CHD9: variants seen among roughly 807,000 people sequenced by gnomAD.
CHD9 encodes chromodomain helicase DNA binding protein 9, also known as ATP-dependent chromatin remodeler CHD9.
A neutral mutation model predicts 316.1 loss-of-function variants in CHD9; 77 were observed. The observed-to-expected ratio is 0.24, with a 90% CI of 0.20 to 0.29. The LOEUF (loss-of-function observed/expected upper bound fraction) is 0.29, where lower values mean the gene tolerates loss of function less well. Among genes scored for constraint, CHD9 ranks in the 10% least tolerant of loss-of-function variants. The pLI is 1.00. For missense variants in CHD9, 2,763 were observed against 3,438.1 expected, an observed-to-expected ratio of 0.80 and a Z score of 4.91; for synonymous variants, 1,129 against 1,158.3, an observed-to-expected ratio of 0.97 and a Z score of 0.51.
intron 22 of CHD9, 32 bp downstream of exon 22, chr16:53,268,158 T>G: frequency 7.2e-7 from 1 of 1,396,176 alleles, no homozygotes; most frequent in South Asian, 1.3e-5. Flanking sequence ...CTTTTAAAAT[T>G]TATTTTTAGT....
At chr16:53,291,139 T>TA (rs2054299223) in intron 27 of CHD9, among the ~76,000 whole-genome samples, 1 of 152,128 alleles carries the variant, frequency 6.6e-6, no homozygotes, top group Non-Finnish European at 1.5e-5. Flanking sequence ...GAAAAAGAGA[T>TA]ACCCACAAAG....
chr16:53,216,749 T>A (rs1567497579), intron 3 of CHD9, among the ~76,000 whole-genome samples: 1 of 152,226 alleles, frequency 6.6e-6, no homozygotes, highest in Admixed American at 6.5e-5. Context: ...TCCGAGCCAG[T>A]GGTTCCCAAA....
At chr16:53,180,202 T>G (rs915410919) in intron 2 of CHD9, among the ~76,000 whole-genome samples, 2 of 151,976 alleles carry the variant, frequency 1.3e-5, no homozygotes, top group Non-Finnish European at 2.9e-5. Context: ...AGCTGGGGTT[T>G]CACCATGTTA....
chr16:53,287,084 G>A (rs2053942905), intron 26 of CHD9, among the ~76,000 whole-genome samples: 1 of 152,060 alleles, frequency 6.6e-6, no homozygotes, highest in African/African-American at 2.4e-5. Flanking sequence ...TTAGTCTCCT[G>A]AGTATCTGGG....
intron 21 of CHD9, 146 bp from the exon 22 acceptor site, chr16:53,267,781 T>A: frequency 1.5e-6 from 1 of 656,532 alleles, no homozygotes; most frequent in Non-Finnish European, 2.6e-6. Context: ...TACTATACCA[T>A]TCCTCTACAT....
At position 53,254,315 on chromosome 16, in the gene CHD9, G is replaced by T. The variant is rs182560113; in HGVS notation, c.3862-123G>T. 345 of 569,108 alleles carry T rather than the reference G, an allele frequency of 6.1e-4. 1 individual carries two copies. The highest frequency in any genetic ancestry group is 2.4e-3 in the Middle Eastern group (6 of 2,508). 35.3% of individuals were successfully genotyped at this position (569,108 alleles called of 1,614,324 possible). ...GCTCTCCCTTAATTTCTAGAAAAAGGTTATATCTAATTCAATAAAAATGGT... is the reference window on the plus strand; with the variant it reads ...GCTCTCCCTTAATTTCTAGAAAAAGTTTATATCTAATTCAATAAAAATGGT... On this transcript the variant is annotated intron_variant, in intron 17 of 38. Coordinates refer to ENST00000447540, the MANE Select transcript of CHD9 (RefSeq NM_001308319.2).
chr16:53,057,392 G>A (rs1389732123), intron 1 of CHD9, among the ~76,000 whole-genome samples: 1 of 151,378 alleles, frequency 6.6e-6, no homozygotes, highest in Non-Finnish European at 1.5e-5. Context: ...AGTGGCTCAT[G>A]CCTGTAATCC....
At chr16:53,062,691 A>G (rs2033043628) in intron 1 of CHD9, among the ~76,000 whole-genome samples, 1 of 152,174 alleles carries the variant, frequency 6.6e-6, no homozygotes, top group Non-Finnish European at 1.5e-5. Context: ...ACAGTGAGCT[A>G]TGATCATGCC....
At position 53,326,693 on chromosome 16, in the gene CHD9, T is replaced by C. The variant is rs893259275; in HGVS notation, c.*1798T>C. On this transcript the variant is annotated 3_prime_UTR_variant, in exon 39 of 39. Coordinates refer to ENST00000447540, the MANE Select transcript of CHD9 (RefSeq NM_001308319.2). Reference sequence around the variant, plus strand: ...CATCATGAAAATGATATATTACATATTTAGTATCTTCCCTTTGCAGTATTG... The same window carrying C: ...CATCATGAAAATGATATATTACATACTTAGTATCTTCCCTTTGCAGTATTG... The C allele has an allele frequency of 6.6e-6, 1 of 152,416 alleles. No individual in the cohort carries two copies. The highest frequency in any genetic ancestry group is 2.4e-5 in the African/African-American group (1 of 41,438). The allele number at this position is 152,416 out of a possible 1,614,324, so 9.4% of individuals were successfully genotyped here.
chr16:53,136,807 C>A (rs1468326331), intron 1 of CHD9, among the ~76,000 whole-genome samples: 1 of 152,012 alleles, frequency 6.6e-6, no homozygotes, highest in African/African-American at 2.4e-5. Flanking sequence ...TCCTTATATT[C>A]TTTTCTAGTT....
chr16:53,209,976 A>G (rs2046199170), intron 3 of CHD9, among the ~76,000 whole-genome samples, 163 bp downstream of exon 3: 1 of 152,204 alleles, frequency 6.6e-6, no homozygotes, highest in African/African-American at 2.4e-5. Flanking sequence ...ATTAGATAAT[A>G]TTCCAGGATC....
intron 36 of CHD9, among the ~76,000 whole-genome samples, chr16:53,317,040 A>T (rs974369306): frequency 2.6e-5 from 4 of 152,022 alleles, no homozygotes; most frequent in African/African-American, 9.7e-5. Context: ...TACTAAAAAT[A>T]CAAAAATCAG....
At chr16:53,130,809 C>T (rs1223272063) in intron 1 of CHD9, 1 of 151,760 alleles carries the variant, frequency 6.6e-6, no homozygotes, top group Non-Finnish European at 1.5e-5. Flanking sequence ...CGGCTGGAGC[C>T]GCGGCAGGAG....
chr16:53,147,262 C>T (rs1013201733), intron 1 of CHD9, among the ~76,000 whole-genome samples: 1 of 152,152 alleles, frequency 6.6e-6, no homozygotes, highest in African/African-American at 2.4e-5. Context: ...AGAAAACTTA[C>T]TGTAATGAAG....
At chr16:53,068,861 C>T (rs1456942515) in intron 1 of CHD9, among the ~76,000 whole-genome samples, 6 of 152,142 alleles carry the variant, frequency 3.9e-5, no homozygotes, top group South Asian at 2.1e-4. Context: ...CTCTGTGGGC[C>T]GAACTTTGCA....
chr16:53,262,709 G>A (rs974435485), intron 19 of CHD9, among the ~76,000 whole-genome samples: 1 of 152,090 alleles, frequency 6.6e-6, no homozygotes, highest in Non-Finnish European at 1.5e-5. Flanking sequence ...CCCATTCTCT[G>A]TAGCCTCCCC....
Position 53,238,355 on chromosome 16 carries a change from C to T in CHD9, c.2646C>T (p.Ile882=). Residue 882 remains isoleucine, a synonymous_variant, in exon 12 of 39, where the codon ATC becomes ATT. Transcript: ENST00000447540. ...TTGTTTATTTCAGACGAAACTGCAT[C>T]TTAGCAGATGAAATGGGTCTTGGCA... ...LFNWYNRRNC[I]LADEMGLGKT... is the part of the protein sequence containing the mutation. 2.5e-6 allele frequency: 4 copies of T among 1,612,012 alleles called. No homozygotes were observed. The highest frequency in any genetic ancestry group is 3.4e-6 in the Non-Finnish European group (4 of 1,178,752).
Position 53,296,897 on chromosome 16 carries a change from G to A in CHD9, c.5511-59G>A. The A allele has an allele frequency of 2.9e-6, 3 of 1,048,552 alleles. No homozygotes were observed. In the South Asian group the frequency reaches 4.1e-5, roughly 14 times the overall value. The allele number at this position is 1,048,552 out of a possible 1,614,324, so 65.0% of individuals were successfully genotyped here. On this transcript the variant is annotated intron_variant, in intron 29 of 38. Transcript: ENST00000447540. Reference sequence around the variant, plus strand: ...GTTTGTATTATAGTCATTATATTTAGTATTAATATTAATTTTAGTGACTAG... The same window carrying A: ...GTTTGTATTATAGTCATTATATTTAATATTAATATTAATTTTAGTGACTAG...
chr16:53,284,656 C>G (rs2053704987), intron 24 of CHD9, among the ~76,000 whole-genome samples: 1 of 152,102 alleles, frequency 6.6e-6, no homozygotes, highest in Non-Finnish European at 1.5e-5. Context: ...CTTATAAAAT[C>G]AGTCAATCTA....
Sources: allele counts gnomAD v4.1 joint callset (sites outside exome capture counted in the v4.1 genomes callset), GRCh38; gene constraint gnomAD v4.1.1; transcripts MANE v1.5; gene names NCBI Gene and HGNC (gene_info 2026-07-23, HGNC 2026-07-21).